Variants in PIBF1 observed in about 807,000 individuals in gnomAD.
PIBF1 encodes the protein progesterone immunomodulatory binding factor 1.
Under a neutral mutation model 112.5 loss-of-function variants are expected in PIBF1, and 90 were observed. That is an observed-to-expected ratio of 0.80 (90% CI 0.67 to 0.95). The LOEUF (loss-of-function observed/expected upper bound fraction) is 0.95, where lower values mean the gene tolerates loss of function less well. Ranked by LOEUF, PIBF1 falls within the 40% of genes least tolerant of loss-of-function variation. PIBF1 has a pLI of 0.00. For missense variants in PIBF1, 915 were observed against 852.3 expected (o/e 1.07, Z -0.92); for synonymous variants, 301 against 288.6 (o/e 1.04, Z -0.44).
rs780745701 is a variant in PIBF1 at position 72,906,471 on chromosome 13, A to C, written c.1489-2060A>C. ...AATGTTCATGTATTGATTTTTATTA[A>C]AACAAATCCTTAATATTATAGCCTA... On this transcript the variant is annotated intron_variant, in intron 11 of 17. Transcript: ENST00000326291. Among the ~76,000 whole-genome samples the C allele has an allele frequency of 1.5e-4, 23 of 152,226 alleles. No homozygotes were observed. The South Asian group carries it at 1.7e-3, about 11-fold the overall frequency.
chr13:72,806,553 G>A (rs1349893089), intron 5 of PIBF1, among the ~76,000 whole-genome samples: 1 of 151,910 alleles, frequency 6.6e-6, no homozygotes, highest in Non-Finnish European at 1.5e-5. Flanking sequence ...GCCCCAGTGT[G>A]TGATGTTCCT....
intron 10 of PIBF1, among the ~76,000 whole-genome samples, chr13:72,860,536 CCTTT>C (rs1399722037): frequency 6.6e-6 from 1 of 152,086 alleles, no homozygotes; most frequent in Non-Finnish European, 1.5e-5. Flanking sequence ...ATTCTGGCTT[CCTTT>C]GTCACTTCCT....
At chr13:72,917,321 G>A (rs922618993) in intron 13 of PIBF1, among the ~76,000 whole-genome samples, 155 bp downstream of exon 13, 1 of 152,014 alleles carries the variant, frequency 6.6e-6, no homozygotes, top group African/African-American at 2.4e-5. Flanking sequence ...TAATAATCAT[G>A]TATTTCATAT....
chr13:72,830,326 G>A (rs2037042789), intron 8 of PIBF1, among the ~76,000 whole-genome samples: 1 of 152,250 alleles, frequency 6.6e-6, no homozygotes, highest in Non-Finnish European at 1.5e-5. Context: ...AATAGGAGGG[G>A]TGAGAGAGGG....
At chr13:72,997,298 A>G (rs2043709098) in intron 16 of PIBF1, among the ~76,000 whole-genome samples, 2 of 152,336 alleles carry the variant, frequency 1.3e-5, no homozygotes, top group East Asian at 1.9e-4. Context: ...CACCATACCC[A>G]TTTGACATCA....
intron 16 of PIBF1, among the ~76,000 whole-genome samples, chr13:72,987,677 C>A (rs1272829195): frequency 1.4e-5 from 2 of 141,444 alleles, no homozygotes; most frequent in South Asian, 2.2e-4. Flanking sequence ...TTTTATTTTC[C>A]TTTGTTGTTT....
At chr13:72,955,273 G>A (rs977717960) in intron 14 of PIBF1, among the ~76,000 whole-genome samples, 1 of 152,032 alleles carries the variant, frequency 6.6e-6, no homozygotes, top group African/African-American at 2.4e-5. Flanking sequence ...TTCATTCTGG[G>A]AAAAAATTCA....
rs544508390 is a variant in PIBF1, at chr13:72,983,741, T to G, written c.2049+10066T>G. Among the ~76,000 whole-genome samples, 22 of 152,330 alleles carry G rather than the reference T, an allele frequency of 1.4e-4. No homozygotes were observed. In the South Asian group the frequency reaches 4.6e-3, roughly 32 times the overall value. On this transcript the variant is annotated intron_variant, in intron 16 of 17. Transcript: ENST00000326291. ...AAGAAGTTCCAACAAATTGCATTTT[T>G]CTTTATGTGTGTCACTCTTTCGGTT... is the stretch of plus-strand genomic sequence containing the variant.
intron 16 of PIBF1, among the ~76,000 whole-genome samples, chr13:72,991,737 T>A (rs1259433567): frequency 6.6e-6 from 1 of 150,918 alleles, no homozygotes; most frequent in African/African-American, 2.4e-5. Flanking sequence ...TTTTTTTTTT[T>A]AGATGGAGTC....
At chr13:72,979,158 G>A (rs773312709) in intron 16 of PIBF1, among the ~76,000 whole-genome samples, 1 of 152,124 alleles carries the variant, frequency 6.6e-6, no homozygotes, top group Non-Finnish European at 1.5e-5. Context: ...TCACACCACT[G>A]CCCTCCAGCT....
In PIBF1 at chr13:72,804,280, A is replaced by G. The variant is rs371580168; in HGVS notation, c.672+6254A>G. On this transcript the variant is annotated intron_variant, in intron 5 of 17. Coordinates refer to ENST00000326291, the MANE Select transcript of PIBF1 (RefSeq NM_006346.4). ...AATAATAAAAGAGTAATAAGAGAAA[A>G]GCATAACAAATTTATGTATAATTTA... 2.0e-5 allele frequency among the ~76,000 whole-genome samples: 3 copies of G among 152,308 alleles called. No individual in the cohort carries two copies. The South Asian group carries it at 6.2e-4, about 32-fold the overall frequency.
intron 14 of PIBF1, among the ~76,000 whole-genome samples, chr13:72,935,812 T>C (rs978602836): frequency 1.3e-5 from 2 of 152,168 alleles, no homozygotes; most frequent in African/African-American, 4.8e-5. Context: ...CATTTGAGTT[T>C]CTTTGCCCTC....
At chr13:72,998,733 T>C (rs919460817) in intron 16 of PIBF1, 89 bp from the exon 17 acceptor site, 1 of 831,496 alleles carries the variant, frequency 1.2e-6, no homozygotes, top group Non-Finnish European at 1.9e-6. Flanking sequence ...AATTGTTTCT[T>C]CTACTTAAAA....
chr13:72,960,474 A>C (rs2042575225), intron 14 of PIBF1, among the ~76,000 whole-genome samples: 1 of 152,218 alleles, frequency 6.6e-6, no homozygotes, highest in Non-Finnish European at 1.5e-5. Flanking sequence ...AACTAAAATA[A>C]TTGAGACTGC....
chr13:73,014,611 TA>T (rs879538526), intron 17 of PIBF1, among the ~76,000 whole-genome samples: 28 of 152,200 alleles, frequency 1.8e-4, no homozygotes, highest in Non-Finnish European at 3.8e-4. Flanking sequence ...GTAACAAATG[TA>T]CCATTGTGCT....
intron 11 of PIBF1, among the ~76,000 whole-genome samples, chr13:72,894,735 A>G (rs2040198458): frequency 6.8e-6 from 1 of 146,968 alleles, no homozygotes; most frequent in Non-Finnish European, 1.5e-5. Flanking sequence ...GGCTGCATAT[A>G]TGTACAATAT....
At chr13:72,791,946 T>C (rs1394152710) in intron 2 of PIBF1, among the ~76,000 whole-genome samples, 2 of 151,868 alleles carry the variant, frequency 1.3e-5, no homozygotes, top group African/African-American at 2.4e-5. Context: ...AAATAAATTT[T>C]TGATAGCATT....
At chr13:72,909,077 T>C (rs1306413758) in intron 12 of PIBF1, among the ~76,000 whole-genome samples, 1 of 152,014 alleles carries the variant, frequency 6.6e-6, no homozygotes, top group Non-Finnish European at 1.5e-5. Context: ...ATAAAACTAC[T>C]TCGGTATATT....
chr13:72,804,731 C>T (rs1324570573), intron 5 of PIBF1, among the ~76,000 whole-genome samples: 1 of 152,102 alleles, frequency 6.6e-6, no homozygotes, highest in African/African-American at 2.4e-5. Context: ...ACTCAGTATG[C>T]CAGGGTGCCA....
Sources: allele counts gnomAD v4.1 joint callset (sites outside exome capture counted in the v4.1 genomes callset), GRCh38; gene constraint gnomAD v4.1.1; transcripts MANE v1.5; gene names NCBI Gene and HGNC (gene_info 2026-07-23, HGNC 2026-07-21).